The following PDE10A variants were observed in gnomAD, a reference collection of about 807,000 sequenced individuals.
PDE10A encodes phosphodiesterase 10A.
PDE10A carries 39 observed loss-of-function variants against 97.7 expected under a neutral mutation model. The ratio of observed to expected loss-of-function variants is 0.40; its 90% CI spans 0.31 to 0.52. The LOEUF is 0.52. Among genes scored for constraint, PDE10A ranks in the 20% least tolerant of loss-of-function variants. The pLI, the probability that PDE10A is intolerant of heterozygous loss-of-function variation, is 0.56. For missense variants in PDE10A, 731 were observed against 1,047.8 expected (o/e 0.70, Z 4.17); for synonymous variants, 371 against 376.8 (o/e 0.98, Z 0.18).
chr6:165,357,961 T>C (rs2128190430), intron 18 of PDE10A, among the ~76,000 whole-genome samples: 2 of 152,252 alleles, frequency 1.3e-5, no homozygotes, highest in Middle Eastern at 3.4e-3. Flanking sequence ...AGTTATACAT[T>C]TCCCTCTCAG....
At chr6:165,460,803 A>G (rs913363180) in intron 3 of PDE10A, among the ~76,000 whole-genome samples, 7 of 152,316 alleles carry the variant, frequency 4.6e-5, no homozygotes, top group Non-Finnish European at 5.9e-5. Flanking sequence ...GAACAATTAT[A>G]TAGCCCTCAG....
chr6:165,512,964 T>A (rs991778087), intron 2 of PDE10A, among the ~76,000 whole-genome samples: 1 of 152,026 alleles, frequency 6.6e-6, no homozygotes, highest in African/African-American at 2.4e-5. Flanking sequence ...CTCTTTGAGA[T>A]CATTCATACT....
intron 1 of PDE10A, chr6:165,940,209 T>C (rs1487340149): frequency 1.3e-5 from 2 of 152,248 alleles, no homozygotes; most frequent in Non-Finnish European, 1.5e-5. Context: ...CAATATGTTG[T>C]AGTGTCTTTA....
intron 1 of PDE10A, among the ~76,000 whole-genome samples, chr6:165,805,939 G>A (rs903460723): frequency 4.7e-5 from 7 of 147,456 alleles, no homozygotes; most frequent in African/African-American, 1.8e-4. Flanking sequence ...ATCCTCTTGT[G>A]TATCTCAGCC....
At chr6:165,775,983 AC>A (rs1335793479) in intron 1 of PDE10A, among the ~76,000 whole-genome samples, 2 of 152,242 alleles carry the variant, frequency 1.3e-5, no homozygotes, top group Non-Finnish European at 2.9e-5. Flanking sequence ...ATCAGCTTCA[AC>A]ATTGCCAGAG....
intron 1 of PDE10A, among the ~76,000 whole-genome samples, chr6:165,649,625 A>C (rs538428292): frequency 6.6e-6 from 1 of 152,222 alleles, no homozygotes; most frequent in East Asian, 1.9e-4. Flanking sequence ...GCTGAGGAAG[A>C]GGTGCAGGGG....
At chr6:165,387,246 C>T (rs899642642) in intron 17 of PDE10A, among the ~76,000 whole-genome samples, 11 of 152,074 alleles carry the variant, frequency 7.2e-5, no homozygotes, top group African/African-American at 2.7e-4. Flanking sequence ...TCACTTCTAC[C>T]CAGAAGATAA....
At chr6:165,637,870 T>C (rs1457187014) in intron 1 of PDE10A, among the ~76,000 whole-genome samples, 1 of 152,170 alleles carries the variant, frequency 6.6e-6, no homozygotes, top group Non-Finnish European at 1.5e-5. Flanking sequence ...GGCTTGATTT[T>C]CCCCAGAGCC....
At chr6:165,366,858 C>T (rs580810) in intron 18 of PDE10A, among the ~76,000 whole-genome samples, 71,150 of 152,016 alleles carry the variant, frequency 0.47, 17,549 homozygotes, top group African/African-American at 0.64. Flanking sequence ...ATGAGAAATG[C>T]AACTGGCCAC....
chr6:165,811,005 C>G (rs1323374072), intron 1 of PDE10A, among the ~76,000 whole-genome samples: 3 of 152,190 alleles, frequency 2.0e-5, no homozygotes, highest in Non-Finnish European at 4.4e-5. Flanking sequence ...GCTGGCAGAT[C>G]ACAAGGTTAG....
At chr6:165,946,507 A>G (rs980454751) in intron 1 of PDE10A, among the ~76,000 whole-genome samples, 2 of 151,884 alleles carry the variant, frequency 1.3e-5, no homozygotes, top group African/African-American at 4.8e-5. Context: ...ATAAAAAAAA[A>G]AAAAAAGAAA....
chr6:165,770,893 C>T (rs1025091260), intron 1 of PDE10A, among the ~76,000 whole-genome samples: 2 of 152,212 alleles, frequency 1.3e-5, no homozygotes, highest in Admixed American at 6.5e-5. Context: ...GAGCACACTG[C>T]GCCTCCACCC....
chr6:165,393,294 T>C (rs1213345672), intron 15 of PDE10A, among the ~76,000 whole-genome samples: 1 of 152,096 alleles, frequency 6.6e-6, no homozygotes, highest in African/African-American at 2.4e-5. Flanking sequence ...TTAAGGTTTA[T>C]TACACACTCA....
chr6:165,799,695 C>T lies in PDE10A; in HGVS notation c.-615+187834G>A, dbSNP rs370988695. Among the ~76,000 whole-genome samples, 10 of 152,210 alleles carry T rather than the reference C, an allele frequency of 6.6e-5. No homozygotes were observed. The East Asian group carries it at 7.7e-4, about 12-fold the overall frequency. ...AGACACTGTCTACTTAAACTTTAAC[C>T]GTCTTCAGAAATTTTTTAGACTTAT... On this transcript the variant is annotated intron_variant, in intron 1 of 19. Coordinates refer to the PDE10A transcript ENST00000366882.
chr6:165,514,159 G>A (rs1006397626), intron 2 of PDE10A, among the ~76,000 whole-genome samples: 5 of 152,028 alleles, frequency 3.3e-5, no homozygotes, highest in South Asian at 2.1e-4. Context: ...ATACTGTATC[G>A]TATTTTTTAC....
At chr6:165,454,295 A>G (rs1777809341) in intron 3 of PDE10A, among the ~76,000 whole-genome samples, 1 of 152,176 alleles carries the variant, frequency 6.6e-6, no homozygotes, top group Non-Finnish European at 1.5e-5. Context: ...CCCTGGACTG[A>G]TGCTGTACAA....
chr6:165,766,158 CTGTCGG>C (rs147573211), intron 1 of PDE10A, among the ~76,000 whole-genome samples: 4,125 of 152,276 alleles, frequency 0.027, 166 homozygotes, highest in African/African-American at 0.09. Context: ...TGTCAAGTGA[CTGTCGG>C]TGTGAGAAAG....
intron 12 of PDE10A, among the ~76,000 whole-genome samples, chr6:165,415,980 A>G (rs1788282253): frequency 1.3e-5 from 2 of 152,218 alleles, no homozygotes; most frequent in South Asian, 4.1e-4. Flanking sequence ...CTGTATCTAG[A>G]TATCATGATA....
chr6:165,638,501 C>T (rs545385670), intron 1 of PDE10A, among the ~76,000 whole-genome samples: 4 of 152,262 alleles, frequency 2.6e-5, no homozygotes, highest in East Asian at 1.9e-4. Context: ...TCTGAAAGGA[C>T]GCATGTAATA....
Sources: gnomAD v4.1 joint callset for allele counts (sites outside exome capture counted in the v4.1 genomes callset) on GRCh38, gnomAD v4.1.1 for gene constraint, MANE v1.5 for transcripts, NCBI Gene and HGNC (gene_info 2026-07-23, HGNC 2026-07-21) for gene names.